The following CHN2 variants were observed in gnomAD, a reference collection of about 807,000 sequenced individuals.
CHN2 encodes the protein beta-chimaerin.
In CHN2, 35 loss-of-function variants were observed where a neutral mutation model predicts 56.3. The ratio of observed to expected loss-of-function variants is 0.62; its 90% CI spans 0.47 to 0.82. The LOEUF (loss-of-function observed/expected upper bound fraction) is 0.82, where lower values mean the gene tolerates loss of function less well. Among genes scored for constraint, CHN2 ranks in the 40% least tolerant of loss-of-function variants. The pLI is 0.00. For missense variants in CHN2, 491 were observed against 580.5 expected, an observed-to-expected ratio of 0.85 and a Z score of 1.58; for synonymous variants, 210 against 212.8, an observed-to-expected ratio of 0.99 and a Z score of 0.12.
At chr7:29,512,432 T>C in intron 12 of CHN2, 132 bp from the exon 13 acceptor site, 1 of 741,508 alleles carries the variant, frequency 1.3e-6, no homozygotes, top group Non-Finnish European at 2.1e-6. Context: ...ACCTTTCTGC[T>C]GTTCTGATTC....
intron 3 of CHN2, among the ~76,000 whole-genome samples, chr7:29,390,626 C>G (rs147642841): frequency 1.1e-4 from 17 of 152,326 alleles, no homozygotes; most frequent in Admixed American, 2.0e-4. Flanking sequence ...TATCAACTAT[C>G]CTGTCGCCTT....
At chr7:29,393,227 T>C (rs1322486871) in intron 3 of CHN2, among the ~76,000 whole-genome samples, 1 of 152,250 alleles carries the variant, frequency 6.6e-6, no homozygotes, top group Non-Finnish European at 1.5e-5. Context: ...ATTTAGAACA[T>C]GATCAAGTTA....
chr7:29,148,111 G>T (rs1014915091), intron 2 of CHN2, among the ~76,000 whole-genome samples: 1 of 152,202 alleles, frequency 6.6e-6, no homozygotes, highest in Non-Finnish European at 1.5e-5. Context: ...TGGGAGTACA[G>T]ACATTAGCAG....
chr7:29,363,264 T>A (rs558543010), intron 2 of CHN2, among the ~76,000 whole-genome samples: 2 of 152,212 alleles, frequency 1.3e-5, no homozygotes, highest in South Asian at 4.1e-4. Context: ...AGCAGGTGGA[T>A]CACTTGAGGT....
At chr7:29,238,756 A>C (rs566163172) in intron 1 of CHN2, among the ~76,000 whole-genome samples, 12 of 152,296 alleles carry the variant, frequency 7.9e-5, no homozygotes, top group Admixed American at 5.9e-4. Flanking sequence ...AAATTAAATG[A>C]GGGGACTGGT....
chr7:29,391,945 A>C (rs1467710633), intron 3 of CHN2, among the ~76,000 whole-genome samples: 2 of 152,242 alleles, frequency 1.3e-5, no homozygotes, highest in Admixed American at 1.3e-4. Context: ...TAGTATTACC[A>C]TGTGGCTCAT....
intron 1 of CHN2, among the ~76,000 whole-genome samples, chr7:29,253,055 G>T: frequency 6.6e-6 from 1 of 152,190 alleles, no homozygotes; most frequent in Non-Finnish European, 1.5e-5. Context: ...CATCCAGAGT[G>T]TTGAAGACAG....
At chr7:29,328,163 C>G (rs1461646992) in intron 1 of CHN2, among the ~76,000 whole-genome samples, 2 of 152,052 alleles carry the variant, frequency 1.3e-5, no homozygotes, top group East Asian at 3.9e-4. Context: ...TAACAGTGAC[C>G]CTCCTCCTTG....
intron 6 of CHN2, among the ~76,000 whole-genome samples, chr7:29,402,203 C>A (rs768040498): frequency 6.6e-6 from 1 of 152,110 alleles, no homozygotes; most frequent in South Asian, 2.1e-4. Flanking sequence ...ACCGTGGTCC[C>A]GTTGGTGGAG....
intron 2 of CHN2, among the ~76,000 whole-genome samples, chr7:29,148,966 G>A (rs1171756515): frequency 2.6e-5 from 4 of 152,110 alleles, no homozygotes; most frequent in Non-Finnish European, 5.9e-5. Context: ...AGCCACTGAG[G>A]GGAAAGGTGG....
At chr7:29,367,543 C>T (rs548746886) in intron 2 of CHN2, among the ~76,000 whole-genome samples, 3 of 152,248 alleles carry the variant, frequency 2.0e-5, no homozygotes, top group Admixed American at 6.5e-5. Context: ...CAAGAGACAT[C>T]GGCATTTAAA....
chr7:29,223,520 C>T (rs761240936), intron 1 of CHN2, among the ~76,000 whole-genome samples: 1 of 152,048 alleles, frequency 6.6e-6, no homozygotes, highest in Non-Finnish European at 1.5e-5. Context: ...ATAAGATTTA[C>T]TTATGTACAC....
intron 2 of CHN2, among the ~76,000 whole-genome samples, chr7:29,155,244 G>C (rs1376418403): frequency 6.6e-6 from 1 of 151,860 alleles, no homozygotes; most frequent in Non-Finnish European, 1.5e-5. Flanking sequence ...TCTAAACTTG[G>C]GTTGCACCAT....
intron 2 of CHN2, among the ~76,000 whole-genome samples, chr7:29,187,529 G>C (rs1798864584): frequency 6.6e-6 from 1 of 152,158 alleles, no homozygotes; most frequent in Non-Finnish European, 1.5e-5. Flanking sequence ...TTTGAGACCA[G>C]CCTAGCCAAC....
chr7:29,439,529 AG>A (rs1783477245), intron 6 of CHN2, among the ~76,000 whole-genome samples: 1 of 152,080 alleles, frequency 6.6e-6, no homozygotes, highest in South Asian at 2.1e-4. Context: ...CGCCCCTCTA[AG>A]AAGGTCTTCT....
At chr7:29,383,061 A>G (rs1291214315) in intron 3 of CHN2, among the ~76,000 whole-genome samples, 1 of 152,180 alleles carries the variant, frequency 6.6e-6, no homozygotes, top group Non-Finnish European at 1.5e-5. Flanking sequence ...TCCAGTAAAT[A>G]CGTATTGAGC....
At chr7:29,506,798 A>G (rs1381255445) in intron 10 of CHN2, among the ~76,000 whole-genome samples, 1 of 152,242 alleles carries the variant, frequency 6.6e-6, no homozygotes, top group African/African-American at 2.4e-5. Flanking sequence ...AAGAACTGAA[A>G]CTATTCAACA....
chr7:29,253,230 T>G (rs1016773996), intron 1 of CHN2, among the ~76,000 whole-genome samples: 5 of 152,224 alleles, frequency 3.3e-5, no homozygotes, highest in African/African-American at 7.2e-5. Flanking sequence ...GACCCAGGCT[T>G]CTTCTCTCTT....
intron 1 of CHN2, among the ~76,000 whole-genome samples, chr7:29,343,540 C>A (rs1797201198): frequency 6.6e-6 from 1 of 152,112 alleles, no homozygotes. Flanking sequence ...CATGAGAAAC[C>A]CCCATGTTGC....
Sources: allele counts gnomAD v4.1 joint callset (sites outside exome capture counted in the v4.1 genomes callset), GRCh38; gene constraint gnomAD v4.1.1; transcripts MANE v1.5; gene names NCBI Gene and HGNC (gene_info 2026-07-23, HGNC 2026-07-21).